The following ADAMTS14 variants were observed in gnomAD, a reference collection of about 807,000 sequenced individuals.
ADAMTS14 encodes A disintegrin and metalloproteinase with thrombospondin motifs 14.
Under a neutral mutation model 128.6 loss-of-function variants are expected in ADAMTS14, and 100 were observed. The ratio of observed to expected loss-of-function variants is 0.78; its 90% CI spans 0.66 to 0.92. The LOEUF is 0.92. Among genes scored for constraint, ADAMTS14 ranks in the 40% least tolerant of loss-of-function variants. ADAMTS14 has a pLI of 0.00. For synonymous variants in ADAMTS14, 665 were observed against 653.8 expected (o/e 1.02, Z -0.26); for missense variants, 1,562 against 1,658.6 (o/e 0.94, Z 1.01).
At chr10:70,734,256 A>C (rs752101130) in intron 8 of ADAMTS14, among the ~76,000 whole-genome samples, 4 of 152,174 alleles carry the variant, frequency 2.6e-5, no homozygotes, top group East Asian at 1.9e-4. Flanking sequence ...TAGAATTCTT[A>C]TTAAAAATGC....
At chr10:70,700,901 T>C (rs943216420) in intron 2 of ADAMTS14, among the ~76,000 whole-genome samples, 19 of 152,190 alleles carry the variant, frequency 1.2e-4, no homozygotes, top group African/African-American at 4.3e-4. Flanking sequence ...AGGTTTGACG[T>C]TGACATTTTA....
intron 2 of ADAMTS14, among the ~76,000 whole-genome samples, chr10:70,688,968 C>T (rs2132559700): frequency 6.7e-6 from 1 of 149,500 alleles, no homozygotes; most frequent in South Asian, 2.2e-4. Context: ...CAGCCTGCCA[C>T]TTTCCCCTCC....
At chr10:70,674,221 G>C (rs1402099142) in intron 1 of ADAMTS14, among the ~76,000 whole-genome samples, 2 of 152,192 alleles carry the variant, frequency 1.3e-5, no homozygotes, top group South Asian at 2.1e-4. Context: ...GTTGGCTTTT[G>C]GGGAATTTTA....
In ADAMTS14 at chr10:70,702,304, T is replaced by A. The variant is rs1272219085; in HGVS notation, c.523-8T>A. 6.2e-7 allele frequency: 1 copy of A among 1,614,042 alleles called. No individual in the cohort carries two copies. Among genetic ancestry groups the A allele is most frequent in the South Asian group, 1.1e-5 (1 of 91,074 alleles). ...TCTCTTTCCCGCTGCTTGCCGTCCC[T>A]GGTTCAGGCGGGCCTCATCCGCACA... On this transcript the variant is annotated splice_polypyrimidine_tract_variant and splice_region_variant and intron_variant, in intron 2 of 21. Coordinates refer to ENST00000373207, the MANE Select transcript of ADAMTS14 (RefSeq NM_080722.4).
At chr10:70,676,939 G>T (rs1431387324) in intron 2 of ADAMTS14, among the ~76,000 whole-genome samples, 2 of 152,232 alleles carry the variant, frequency 1.3e-5, no homozygotes, top group Non-Finnish European at 2.9e-5. Context: ...CAGGGCTAGG[G>T]CTCCAGCTTC....
At position 70,743,628 on chromosome 10, in the gene ADAMTS14, A is replaced by G; in HGVS notation, c.2005A>G (p.Thr669Ala). Reference protein sequence around the residue: ...VFMNQVVHDGTRCSYRDPYSV... With the variant: ...VFMNQVVHDGARCSYRDPYSV... The stretch of plus-strand genomic sequence containing the variant: ...CATGAACCAGGTGGTTCACGATGGG[A>G]CACGCTGCAGCTACCGGGACCCATA... The change falls in exon 13 of 22, where the codon ACA (threonine) becomes GCA (alanine). Residue 669 changes from threonine to alanine, a missense_variant. By Grantham distance (58) the Thr-to-Ala change is moderately conservative. Coordinates refer to ENST00000373207, the MANE Select transcript of ADAMTS14 (RefSeq NM_080722.4). 1.9e-6 allele frequency: 3 copies of G among 1,612,220 alleles called. No individual in the cohort carries two copies. The South Asian group carries it at 3.3e-5, about 18-fold the overall frequency.
At chr10:70,741,259 G>A in intron 12 of ADAMTS14, 97 bp downstream of exon 12, 1 of 1,413,780 alleles carries the variant, frequency 7.1e-7, no homozygotes, top group Non-Finnish European at 9.6e-7. Context: ...ATACACCAGT[G>A]AAGGTGGAGG....
At chr10:70,677,183 G>A (rs532785104) in intron 2 of ADAMTS14, among the ~76,000 whole-genome samples, 3 of 152,170 alleles carry the variant, frequency 2.0e-5, no homozygotes, top group Non-Finnish European at 4.4e-5. Context: ...CCTGAAGCAC[G>A]ATCACATGGC....
chr10:70,723,693 G>C (rs906552956), intron 4 of ADAMTS14, among the ~76,000 whole-genome samples: 1 of 152,190 alleles, frequency 6.6e-6, no homozygotes, highest in Non-Finnish European at 1.5e-5. Context: ...CCAGGGTCTT[G>C]CTTTTTCAGC....
At position 70,737,168 on chromosome 10, in the gene ADAMTS14, A is replaced by G. The variant is rs142078659; in HGVS notation, c.1599+375A>G. On this transcript the variant is annotated intron_variant, in intron 10 of 21. Transcript: ENST00000373207. ...AGTGATTAGCAGAGAAGGGATGCAG[A>G]GAAATCTCTGTGTGTCCTGCCTACT... 2.1e-3 allele frequency among the ~76,000 whole-genome samples: 322 copies of G among 152,268 alleles called. 1 individual carries two copies. Among genetic ancestry groups the G allele is most frequent in the African/African-American group, 7.3e-3 (305 of 41,542 alleles).
intron 12 of ADAMTS14, among the ~76,000 whole-genome samples, chr10:70,741,680 A>G (rs1404615352): frequency 6.6e-6 from 1 of 152,204 alleles, no homozygotes; most frequent in Non-Finnish European, 1.5e-5. Context: ...GCACGCAGAT[A>G]GGATCTGGTG....
chr10:70,749,808 C>T lies in ADAMTS14; in HGVS notation c.2264-14C>T, dbSNP rs1442839760. On this transcript the variant is annotated splice_polypyrimidine_tract_variant and intron_variant, in intron 15 of 21. Coordinates refer to ENST00000373207, the MANE Select transcript of ADAMTS14 (RefSeq NM_080722.4). ...GAGCAGAAATCTGTGTGACCCTCTC[C>T]CCCCACCGGTCAGTGGTGAAGAACC... The T allele has an allele frequency of 1.9e-6, 3 of 1,612,754 alleles. No individual in the cohort carries two copies. The East Asian group carries it at 6.7e-5, about 36-fold the overall frequency.
chr10:70,733,877 C>T lies in ADAMTS14; in HGVS notation c.1209-8C>T, dbSNP rs376811501. On this transcript the variant is annotated splice_polypyrimidine_tract_variant and splice_region_variant and intron_variant, in intron 7 of 21. Coordinates refer to ENST00000373207, the MANE Select transcript of ADAMTS14 (RefSeq NM_080722.4). ...TGTATCAGGACTCCTCTGTCTTCCC[C>T]ATTCCAGGCTCGGCATGGAGCATGA... 73 of 1,610,176 alleles carry T rather than the reference C, an allele frequency of 4.5e-5. No homozygotes were observed. The highest frequency in any genetic ancestry group is 5.3e-5 in the Non-Finnish European group (62 of 1,177,302).
At chr10:70,744,688 T>G (rs1842121445) in intron 14 of ADAMTS14, among the ~76,000 whole-genome samples, 1 of 152,200 alleles carries the variant, frequency 6.6e-6, no homozygotes, top group Non-Finnish European at 1.5e-5. Context: ...TATCAGTCCT[T>G]CACACTTTAG....
Position 70,760,482 on chromosome 10 carries a change from A to T in ADAMTS14, c.3301A>T (p.Asn1101Tyr), listed in dbSNP as rs1761995812. 1 of 1,613,648 alleles carries T rather than the reference A, an allele frequency of 6.2e-7. No individual in the cohort carries two copies. The highest frequency in any genetic ancestry group is 1.7e-5 in the Admixed American group (1 of 59,978). The change falls in exon 22 of 22, where the codon AAC (asparagine) becomes TAC (tyrosine). Residue 1101 changes from asparagine to tyrosine, a missense_variant. Transcript: ENST00000373207. The stretch of plus-strand genomic sequence containing the variant: ...CTGCATCAAGAAGGCCTCGGGCCCC[A>T]ACCCTGGCCCAGACCCTGGCCCAAC... Reference protein sequence around the residue: ...VSCIKKASGPNPGPDPGPTSL... With the variant: ...VSCIKKASGPYPGPDPGPTSL...
At chr10:70,748,530 C>A (rs1316062654) in intron 15 of ADAMTS14, among the ~76,000 whole-genome samples, 1 of 152,202 alleles carries the variant, frequency 6.6e-6, no homozygotes, top group Admixed American at 6.5e-5. Context: ...CTCTTCCCCA[C>A]CCTCACCCTG....
chr10:70,708,830 C>T, intron 4 of ADAMTS14, 52 bp downstream of exon 4: 2 of 1,203,710 alleles, frequency 1.7e-6, no homozygotes, highest in Non-Finnish European at 2.2e-6. Context: ...GGGTGGGCCC[C>T]ACCCCACCCC....
chr10:70,676,764 C>A (rs1190134738), intron 2 of ADAMTS14, among the ~76,000 whole-genome samples: 4 of 152,180 alleles, frequency 2.6e-5, no homozygotes. Flanking sequence ...TATGCCATGG[C>A]CACAAGTTTT....
intron 4 of ADAMTS14, among the ~76,000 whole-genome samples, chr10:70,715,502 G>T (rs926827605): frequency 6.6e-6 from 1 of 152,090 alleles, no homozygotes; most frequent in African/African-American, 2.4e-5. Flanking sequence ...GGCTCTAAGA[G>T]GGTCAGCTCA....
Sources: gnomAD v4.1 joint callset for allele counts (sites outside exome capture counted in the v4.1 genomes callset) on GRCh38, gnomAD v4.1.1 for gene constraint, MANE v1.5 for transcripts, NCBI Gene and HGNC (gene_info 2026-07-23, HGNC 2026-07-21) for gene names.